MAP1LC3B: variants seen among roughly 807,000 people sequenced by gnomAD.
MAP1LC3B encodes the protein microtubule-associated protein 1 light chain 3 beta.
In MAP1LC3B, 12 loss-of-function variants were observed where a neutral mutation model predicts 16.7. The observed-to-expected ratio is 0.72, with a 90% CI of 0.46 to 1.16. The LOEUF (loss-of-function observed/expected upper bound fraction) is 1.16. MAP1LC3B is among the 50% of genes most tolerant of loss of function. MAP1LC3B has a pLI of 0.00. For missense variants in MAP1LC3B, 155 were observed against 159.5 expected (o/e 0.97, Z 0.15); for synonymous variants, 63 against 56.5 (o/e 1.11, Z -0.51).
chr16:87,394,279 T>TAAA (rs11403697), intron 1 of MAP1LC3B, among the ~76,000 whole-genome samples: 1 of 149,748 alleles, frequency 6.7e-6, no homozygotes. Flanking sequence ...TTTTGGTAAT[T>TAAA]AAAAAAAAAA....
intron 2 of MAP1LC3B, chr16:87,400,356 T>G (rs1174216693): frequency 6.6e-6 from 1 of 151,640 alleles, no homozygotes; most frequent in African/African-American, 2.4e-5. Context: ...TTTTTTTGTA[T>G]TTTTAGTAGA....
intron 3 of MAP1LC3B, 47 bp downstream of exon 3, chr16:87,402,328 C>A (rs2150713686): frequency 6.5e-7 from 1 of 1,533,968 alleles, no homozygotes; most frequent in South Asian, 1.2e-5. Context: ...TGAGTAACTT[C>A]TTATTCTTTA....
At chr16:87,397,487 G>A (rs923370596) in intron 1 of MAP1LC3B, among the ~76,000 whole-genome samples, 6 of 152,058 alleles carry the variant, frequency 3.9e-5, no homozygotes, top group Admixed American at 6.6e-5. Context: ...GCATGGTGTC[G>A]GGTGCCTGTA....
chr16:87,399,677 CTG>C (rs1239138385), intron 2 of MAP1LC3B: 2 of 447,034 alleles, frequency 4.5e-6, no homozygotes, highest in African/African-American at 4.0e-5. Context: ...AGAGGCTCAT[CTG>C]TGGTCAGGTA....
chr16:87,400,769 C>G (rs949183073), intron 2 of MAP1LC3B, among the ~76,000 whole-genome samples: 1 of 151,418 alleles, frequency 6.6e-6, no homozygotes, highest in Non-Finnish European at 1.5e-5. Flanking sequence ...AACGCATAGC[C>G]TCACCTCCTT....
At chr16:87,400,931 G>A (rs555577069) in intron 2 of MAP1LC3B, among the ~76,000 whole-genome samples, 2 of 152,026 alleles carry the variant, frequency 1.3e-5, no homozygotes, top group East Asian at 1.9e-4. Flanking sequence ...TCAGGGGTTC[G>A]AGACCAGCCT....
Position 87,403,720 on chromosome 16 carries a change from G to A in MAP1LC3B, c.*623G>A, listed in dbSNP as rs960102578. 1 of 152,270 alleles carries A rather than the reference G, an allele frequency of 6.6e-6. No individual in the cohort carries two copies. The highest frequency in any genetic ancestry group is 2.4e-5 in the African/African-American group (1 of 41,460). The allele number at this position is 152,270 out of a possible 1,614,324, so 9.4% of individuals were successfully genotyped here. ...ACCCAAAGTCCTCACTCTTGCAGGG[G>A]TAGACATTTCTGGTTTGGTTTGTTC... On this transcript the variant is annotated 3_prime_UTR_variant, in exon 4 of 4. Coordinates refer to ENST00000268607, the MANE Select transcript of MAP1LC3B (RefSeq NM_022818.5).
intron 1 of MAP1LC3B, 57 bp downstream of exon 1, chr16:87,392,524 G>T (rs566793459): frequency 1.6e-6 from 2 of 1,252,940 alleles, no homozygotes; most frequent in Non-Finnish European, 2.0e-6. Context: ...AGCTGTGGAG[G>T]GCGGCAGGGC....
chr16:87,399,707 TA>T (rs548023461), intron 2 of MAP1LC3B: 83 of 379,100 alleles, frequency 2.2e-4, no homozygotes, highest in Middle Eastern at 1.1e-3. Context: ...AGCTTAAAAC[TA>T]AAAAAAAACA....
At chr16:87,399,633 C>T in intron 2 of MAP1LC3B, 1 of 455,802 alleles carries the variant, frequency 2.2e-6, no homozygotes, top group Middle Eastern at 3.3e-4. Context: ...AAGATGTCCG[C>T]AGCGTTCAGT....
chr16:87,399,610 A>C (rs753155649), intron 2 of MAP1LC3B: 2 of 455,630 alleles, frequency 4.4e-6, no homozygotes, highest in Non-Finnish European at 8.8e-6. Context: ...TGGAAGAATT[A>C]CTGTATATAG....
At chr16:87,402,312 T>C in intron 3 of MAP1LC3B, 31 bp downstream of exon 3, 1 of 1,578,672 alleles carries the variant, frequency 6.3e-7, no homozygotes, top group Non-Finnish European at 8.7e-7. Flanking sequence ...CATAATATAT[T>C]TCCTTTGAGT....
intron 1 of MAP1LC3B, 35 bp downstream of exon 1, chr16:87,392,502 G>T: frequency 7.7e-7 from 1 of 1,298,570 alleles, no homozygotes; most frequent in Non-Finnish European, 9.7e-7. Flanking sequence ...GGTGCGGCGG[G>T]GCCGGGGTCC....
chr16:87,401,453 G>C (rs1253603681), intron 2 of MAP1LC3B, among the ~76,000 whole-genome samples: 1 of 152,242 alleles, frequency 6.6e-6, no homozygotes, highest in Admixed American at 6.5e-5. Flanking sequence ...GGAAACTAGT[G>C]AATGTGCTGT....
Position 87,403,648 on chromosome 16 carries a change from GCCCTGACTGTAAACTGCTGAAGGT to G in MAP1LC3B, c.*560_*583del, listed in dbSNP as rs980550480. On this transcript the variant is annotated 3_prime_UTR_variant, in exon 4 of 4. Transcript: ENST00000268607. Reference sequence around the variant, plus strand: ...GGTAAACGGGCTGTGTGAGAAAACGGCCCTGACTGTAAACTGCTGAAGGTCCCTGACTCCTAAGAGAACCACACC... The same window carrying G: ...GGTAAACGGGCTGTGTGAGAAAACGGCCCTGACTCCTAAGAGAACCACACC... The G allele has an allele frequency of 1.3e-5, 2 of 152,560 alleles. No individual in the cohort carries two copies. The highest frequency in any genetic ancestry group is 4.8e-5 in the African/African-American group (2 of 41,426). 9.5% of individuals were successfully genotyped at this position (152,560 alleles called of 1,614,324 possible). A position where few individuals can be genotyped will look rare whatever the true frequency, so the allele number is the denominator to read the frequency against.
chr16:87,392,458 C>G lies in MAP1LC3B; in HGVS notation c.31C>G (p.Arg11Gly). ...GTCGGAGAAGACCTTCAAGCAGCGC[C>G]GCACCTTCGGTGAGTGTCGCCGCGA... MPSEKTFKQR[R>G]TFEQRVEDVR... is the part of the protein sequence containing the mutation. Residue 11 changes from arginine to glycine, a missense_variant, in exon 1 of 4, where the codon CGC (arginine) becomes GGC (glycine). Arg to Gly is a moderately radical substitution (Grantham distance 125). Transcript: ENST00000268607. 7.3e-7 allele frequency: 1 copy of G among 1,368,978 alleles called. No individual in the cohort carries two copies. The highest frequency in any genetic ancestry group is 9.4e-7 in the Non-Finnish European group (1 of 1,069,352). The allele number at this position is 1,368,978 out of a possible 1,614,324, so 84.8% of individuals were successfully genotyped here.
At chr16:87,399,742 A>T (rs1907920828) in intron 2 of MAP1LC3B, 2 of 361,582 alleles carry the variant, frequency 5.5e-6, no homozygotes, top group African/African-American at 4.3e-5. Flanking sequence ...CATGGAAAGG[A>T]AGCATAGTGA....
Position 87,403,517 on chromosome 16 carries a change from G to C in MAP1LC3B, c.*420G>C. 6.1e-6 allele frequency: 1 copy of C among 164,208 alleles called. No individual in the cohort carries two copies. The highest frequency in any genetic ancestry group is 1.8e-4 in the East Asian group (1 of 5,482). 10.2% of individuals were successfully genotyped at this position (164,208 alleles called of 1,614,324 possible). ...AAACCCGCCGCCTTTTTGGGTAGAA[G>C]TTTTCTACTCAGCTAGAGAGATCTC... On this transcript the variant is annotated 3_prime_UTR_variant, in exon 4 of 4. Transcript: ENST00000268607.
chr16:87,402,850 G>GTATT, intron 3 of MAP1LC3B, 73 bp from the exon 4 acceptor site: 1 of 1,560,014 alleles, frequency 6.4e-7, no homozygotes, highest in African/African-American at 1.4e-5. Context: ...ATCAGAGTGG[G>GTATT]TGATATTTTA....
Sources: allele counts gnomAD v4.1 joint callset (sites outside exome capture counted in the v4.1 genomes callset), GRCh38; gene constraint gnomAD v4.1.1; transcripts MANE v1.5; gene names NCBI Gene and HGNC (gene_info 2026-07-23, HGNC 2026-07-21).